SF1: variants seen among roughly 807,000 people sequenced by gnomAD.
SF1 encodes the protein branch point-binding protein.
A neutral mutation model predicts 62.5 loss-of-function variants in SF1; 7 were observed. The observed-to-expected ratio is 0.11, with a 90% CI of 0.06 to 0.21. SF1 has a LOEUF of 0.21. Ranked by LOEUF, SF1 falls within the 10% of genes least tolerant of loss-of-function variation. The pLI is 1.00. For missense variants in SF1, 578 were observed against 884.0 expected (o/e 0.65, Z 4.39); for synonymous variants, 394 against 323.6 (o/e 1.22, Z -2.33).
Position 64,778,450 on chromosome 11 carries a change from G to T in SF1, c.-58C>A. ...TTTCCTCTGCGGCGGCTTCTCCTTC[G>T]CAAGCCTCCCGGGGGGAGGGGACCC... On this transcript the variant is annotated 5_prime_UTR_variant, in exon 1 of 13. Coordinates refer to ENST00000377390, the MANE Select transcript of SF1 (RefSeq NM_004630.4). The T allele has an allele frequency of 8.2e-7, 1 of 1,214,874 alleles. No homozygotes were observed. The highest frequency in any genetic ancestry group is 3.3e-5 in the East Asian group (1 of 30,358). The allele number at this position is 1,214,874 out of a possible 1,614,324, so 75.3% of individuals were successfully genotyped here.
chr11:64,770,955 G>C lies in SF1; in HGVS notation c.237-547C>G, dbSNP rs1938224711. ...CTTGGCCCCCACAATGGAGAGAGAT[G>C]GTTCGCTTCGTCTTTGCTTTTCCTT... On this transcript the variant is annotated intron_variant, in intron 3 of 12. Coordinates refer to ENST00000377390, the MANE Select transcript of SF1 (RefSeq NM_004630.4). Among the ~76,000 whole-genome samples, 3 of 152,202 alleles carry C rather than the reference G, an allele frequency of 2.0e-5. No homozygotes were observed. In the South Asian group the frequency reaches 6.2e-4, roughly 31 times the overall value.
At position 64,765,304 on chromosome 11, in the gene SF1, A is replaced by AGAAGTAACAAAG. The variant is rs2058564791; in HGVS notation, c.*502_*513dup. 1.6e-6 allele frequency: 1 copy of AGAAGTAACAAAG among 638,064 alleles called. No individual in the cohort carries two copies. The highest frequency in any genetic ancestry group is 1.8e-5 in the African/African-American group (1 of 54,118). The allele number at this position is 638,064 out of a possible 1,614,324, so 39.5% of individuals were successfully genotyped here. On this transcript the variant is annotated 3_prime_UTR_variant, in exon 13 of 13. Coordinates refer to ENST00000377390, the MANE Select transcript of SF1 (RefSeq NM_004630.4). ...GGAGTCTGAAGAAAGGAAAAGATAA[A>AGAAGTAACAAAG]GAAGTAACAAAGGAAAAAGAAAAAA...
chr11:64,768,339 G>C, intron 8 of SF1, 53 bp from the exon 9 acceptor site: 1 of 1,557,552 alleles, frequency 6.4e-7, no homozygotes, highest in South Asian at 1.1e-5. Context: ...TTGTTAAGAA[G>C]GAAGCTTTTA....
Position 64,767,223 on chromosome 11 carries a change from G to T in SF1, c.1371C>A (p.Gly457=), listed in dbSNP as rs138100278. ...CTTGATGCAGGCGATAGACCCCAGA[G>T]CCCACAGGCGTACTTCCCAGGTACT... ...MDQYLGSTPV[G]SGVYRLHQGK... The change falls in exon 11 of 13, where the codon GGC becomes GGA. Residue 457 remains glycine (G), a synonymous_variant. Transcript: ENST00000377390. 6.2e-7 allele frequency: 1 copy of T among 1,614,116 alleles called. No homozygotes were observed. The highest frequency in any genetic ancestry group is 1.1e-5 in the South Asian group (1 of 91,084).
In SF1 at chr11:64,777,752, C is replaced by G. The variant is rs1193791127; in HGVS notation, c.31+610G>C. ...GTTGCGCCGCACAGCCCGGCCACCT[C>G]ACTGCGTCTGCGCACAGAGCGCCTC... is the stretch of plus-strand genomic sequence containing the variant. On this transcript the variant is annotated intron_variant, in intron 1 of 12. Transcript: ENST00000377390. The G allele has an allele frequency of 5.1e-6, 5 of 985,658 alleles. No homozygotes were observed. The South Asian group carries it at 2.3e-4, about 46-fold the overall frequency. The allele number at this position is 985,658 out of a possible 1,614,324, so 61.1% of individuals were successfully genotyped here.
At chr11:64,776,907 T>C (rs781314485) in intron 1 of SF1, among the ~76,000 whole-genome samples, 1 of 152,318 alleles carries the variant, frequency 6.6e-6, no homozygotes, top group East Asian at 1.9e-4. Flanking sequence ...TCTTAATGCA[T>C]ATGGCTGCAG....
Position 64,765,341 on chromosome 11 carries a change from T to C in SF1, c.*477A>G, listed in dbSNP as rs1339093093. On this transcript the variant is annotated 3_prime_UTR_variant, in exon 13 of 13. Coordinates refer to ENST00000377390, the MANE Select transcript of SF1 (RefSeq NM_004630.4). ...GGAAAAAGAAAAAAATTAATAAAAATTTCACGATATGGAGCCAGCGTGTTC... is the reference window on the plus strand; with the variant it reads ...GGAAAAAGAAAAAAATTAATAAAAACTTCACGATATGGAGCCAGCGTGTTC... The C allele has an allele frequency of 6.8e-6, 5 of 730,706 alleles. No individual in the cohort carries two copies. Among genetic ancestry groups the C allele is most frequent in the Admixed American group, 4.8e-5 (2 of 41,852 alleles). 45.3% of individuals were successfully genotyped at this position (730,706 alleles called of 1,614,324 possible).
At chr11:64,771,322 C>T in intron 3 of SF1, 1 of 411,130 alleles carries the variant, frequency 2.4e-6, no homozygotes, top group Non-Finnish European at 3.3e-6. Context: ...AGGTTACACT[C>T]CTAGAATTTT....
At chr11:64,770,609 G>A (rs1938164378) in intron 3 of SF1, 2 of 484,172 alleles carry the variant, frequency 4.1e-6, no homozygotes, top group Non-Finnish European at 7.2e-6. Context: ...TCTGGGGTGT[G>A]TGTGAGAAAG....
At chr11:64,767,472 T>C in intron 10 of SF1, 99 bp downstream of exon 10, 1 of 1,288,994 alleles carries the variant, frequency 7.8e-7, no homozygotes, top group South Asian at 1.4e-5. Flanking sequence ...CCCAGCACAT[T>C]GCCCAGCCAC....
In SF1 at chr11:64,778,053, G is replaced by A. The variant is rs1207409425; in HGVS notation, c.31+309C>T. The A allele has an allele frequency of 1.3e-5, 13 of 1,007,700 alleles. No homozygotes were observed. The highest frequency in any genetic ancestry group is 1.2e-5 in the Non-Finnish European group (10 of 844,388). The allele number at this position is 1,007,700 out of a possible 1,614,324, so 62.4% of individuals were successfully genotyped here. On this transcript the variant is annotated intron_variant, in intron 1 of 12. Coordinates refer to ENST00000377390, the MANE Select transcript of SF1 (RefSeq NM_004630.4). ...GGCGGCTGGGGTGGCGGCGGCTGCGGCGGCGACACGCGCTGGTAGAGCGGC... is the reference window on the plus strand; with the variant it reads ...GGCGGCTGGGGTGGCGGCGGCTGCGACGGCGACACGCGCTGGTAGAGCGGC...
intron 2 of SF1, among the ~76,000 whole-genome samples, chr11:64,774,848 C>A (rs1300802653): frequency 6.6e-6 from 1 of 151,754 alleles, no homozygotes; most frequent in African/African-American, 2.4e-5. Context: ...GTAGTCCCAG[C>A]TACTTGGGAG....
chr11:64,777,023 T>G (rs530383593), intron 1 of SF1, among the ~76,000 whole-genome samples: 2 of 152,296 alleles, frequency 1.3e-5, no homozygotes, highest in East Asian at 3.9e-4. Context: ...CTGATGGGAC[T>G]GGGGGCTCCA....
At chr11:64,768,761 A>C (rs909491207) in intron 8 of SF1, among the ~76,000 whole-genome samples, 3 of 152,226 alleles carry the variant, frequency 2.0e-5, no homozygotes, top group African/African-American at 7.2e-5. Context: ...CTGAACAGCA[A>C]AAGCAGTGAA....
At chr11:64,776,910 G>A (rs879827065) in intron 1 of SF1, among the ~76,000 whole-genome samples, 4 of 152,214 alleles carry the variant, frequency 2.6e-5, no homozygotes, top group African/African-American at 4.8e-5. Flanking sequence ...TAATGCATAT[G>A]GCTGCAGAGA....
At position 64,769,237 on chromosome 11, in the gene SF1, C is replaced by T. The variant is rs1937903975; in HGVS notation, c.765G>A (p.Arg255=). The T allele has an allele frequency of 1.2e-6, 2 of 1,614,046 alleles. No individual in the cohort carries two copies. The highest frequency in any genetic ancestry group is 1.1e-5 in the South Asian group (1 of 91,086). The change falls in exon 7 of 13, where the codon CGG becomes CGA. Residue 255 remains arginine, a synonymous_variant. Coordinates refer to ENST00000377390, the MANE Select transcript of SF1 (RefSeq NM_004630.4). ...RELARLNGTL[R]EDDNRILRPW... is the part of the protein sequence containing the mutation. Reference sequence around the variant, plus strand: ...TGATCACATACCTGTTATCGTCTTCCCGAAGGGTCCCATTTAAGCGAGCCA... The same window carrying T: ...TGATCACATACCTGTTATCGTCTTCTCGAAGGGTCCCATTTAAGCGAGCCA...
intron 3 of SF1, chr11:64,772,244 G>A (rs1012637452): frequency 6.5e-5 from 64 of 984,344 alleles, no homozygotes; most frequent in Middle Eastern, 5.2e-4. Context: ...ATTGACTGGT[G>A]ACCTGTAGAC....
Position 64,765,428 on chromosome 11 carries a change from T to C in SF1, c.*390A>G, listed in dbSNP as rs138240356. 5.6e-5 allele frequency: 87 copies of C among 1,558,102 alleles called. 1 individual carries two copies. The East Asian group carries it at 1.5e-3, about 26-fold the overall frequency. ...CGAACCATCCTGTCCACCAGGGGCG[T>C]TGCTGAGGCTGTCTGCCTGGAAGGG... On this transcript the variant is annotated 3_prime_UTR_variant, in exon 13 of 13. Transcript: ENST00000377390.
chr11:64,767,782 C>A lies in SF1; in HGVS notation c.1131G>T (p.Arg377=). The A allele has an allele frequency of 1.9e-6, 3 of 1,613,862 alleles. No individual in the cohort carries two copies. Among genetic ancestry groups the A allele is most frequent in the Non-Finnish European group, 2.5e-6 (3 of 1,179,872 alleles). The change falls in exon 10 of 13, where the codon CGG becomes CGT. Residue 377 remains arginine, a synonymous_variant. Transcript: ENST00000377390. Reference sequence around the variant, plus strand: ...CACCTCCATGCATGCCGTGGTAGGGCCGACTCTCTGAAGGGCCAGAATTCA... The same window carrying A: ...CACCTCCATGCATGCCGTGGTAGGGACGACTCTCTGAAGGGCCAGAATTCA... ...PWMNSGPSES[R]PYHGMHGGGP...
Sources: allele counts gnomAD v4.1 joint callset (sites outside exome capture counted in the v4.1 genomes callset), GRCh38; gene constraint gnomAD v4.1.1; transcripts MANE v1.5; gene names NCBI Gene and HGNC (gene_info 2026-07-23, HGNC 2026-07-21).